The following FYN variants were observed in gnomAD, a reference collection of about 807,000 sequenced individuals.
The protein encoded by FYN is FYN proto-oncogene, Src family tyrosine kinase, also known as tyrosine-protein kinase Fyn.
FYN carries 10 observed loss-of-function variants against 70.2 expected under a neutral mutation model. That is an observed-to-expected ratio of 0.14 (90% confidence interval 0.09 to 0.24). The LOEUF is 0.24. Among genes scored for constraint, FYN ranks in the 10% least tolerant of loss-of-function variants. FYN has a pLI of 1.00. For synonymous variants in FYN, 236 were observed against 248.6 expected, an observed-to-expected ratio of 0.95 and a Z score of 0.48; for missense variants, 319 against 673.1, an observed-to-expected ratio of 0.47 and a Z score of 5.82.
chr6:111,866,075 A>T (rs1774095151), intron 1 of FYN, among the ~76,000 whole-genome samples: 1 of 152,346 alleles, frequency 6.6e-6, no homozygotes, highest in South Asian at 2.1e-4. Context: ...TAAAGCATGT[A>T]TGTCATATGT....
intron 3 of FYN, among the ~76,000 whole-genome samples, chr6:111,776,631 T>C (rs1770954068): frequency 6.6e-6 from 1 of 152,210 alleles, no homozygotes; most frequent in African/African-American, 2.4e-5. Context: ...AAAATATTTA[T>C]GTCCACAAGC....
chr6:111,667,576 A>G (rs1240329295), intron 13 of FYN, among the ~76,000 whole-genome samples: 1 of 152,180 alleles, frequency 6.6e-6, no homozygotes, highest in Non-Finnish European at 1.5e-5. Context: ...TCTATAGGGA[A>G]GGAATAAAAA....
intron 4 of FYN, among the ~76,000 whole-genome samples, chr6:111,717,797 C>T (rs916561531): frequency 1.3e-5 from 2 of 152,168 alleles, no homozygotes; most frequent in Non-Finnish European, 2.9e-5. Context: ...TGCCAATTTG[C>T]TGTGTAGGTA....
At chr6:111,817,175 T>G (rs527954113) in intron 2 of FYN, among the ~76,000 whole-genome samples, 8 of 152,290 alleles carry the variant, frequency 5.3e-5, no homozygotes, top group Non-Finnish European at 1.5e-5. Flanking sequence ...TGTATACAGG[T>G]GGGATTTGGA....
chr6:111,783,113 C>T (rs1480128556), intron 2 of FYN, among the ~76,000 whole-genome samples: 1 of 152,206 alleles, frequency 6.6e-6, no homozygotes, highest in Non-Finnish European at 1.5e-5. Context: ...TGAACAGCTG[C>T]AGCTCAGGAA....
At chr6:111,695,192 T>G (rs1036381430) in intron 10 of FYN, among the ~76,000 whole-genome samples, 4 of 152,210 alleles carry the variant, frequency 2.6e-5, no homozygotes, top group African/African-American at 4.8e-5. Context: ...TCAGAAACTT[T>G]GAAGGTTGGG....
chr6:111,860,890 C>A (rs1460856842), intron 1 of FYN, among the ~76,000 whole-genome samples: 4 of 152,194 alleles, frequency 2.6e-5, no homozygotes, highest in Admixed American at 1.3e-4. Context: ...TGGTCAACCA[C>A]ACTTACATGA....
intron 1 of FYN, among the ~76,000 whole-genome samples, chr6:111,864,107 C>T (rs1364590824): frequency 6.6e-6 from 1 of 152,108 alleles, no homozygotes; most frequent in Non-Finnish European, 1.5e-5. Context: ...GCGATAAGAC[C>T]TGGTTCAATA....
chr6:111,709,909 C>T (rs1325752053), intron 5 of FYN, among the ~76,000 whole-genome samples: 1 of 152,084 alleles, frequency 6.6e-6, no homozygotes, highest in Non-Finnish European at 1.5e-5. Flanking sequence ...TCTATGCCTT[C>T]CAAAAGGAAT....
intron 13 of FYN, among the ~76,000 whole-genome samples, chr6:111,674,068 A>G (rs911664824): frequency 1.3e-5 from 2 of 152,174 alleles, no homozygotes; most frequent in East Asian, 3.8e-4. Flanking sequence ...CCTTCCTGCC[A>G]GGCTCACTCC....
chr6:111,805,547 A>G (rs750448770), intron 2 of FYN, among the ~76,000 whole-genome samples: 5 of 152,264 alleles, frequency 3.3e-5, no homozygotes, highest in South Asian at 2.1e-4. Flanking sequence ...ACAAGGGTCC[A>G]TGTGGTTCAG....
intron 2 of FYN, among the ~76,000 whole-genome samples, chr6:111,828,928 C>T (rs1390026231): frequency 5.3e-5 from 8 of 152,150 alleles, no homozygotes; most frequent in African/African-American, 1.9e-4. Flanking sequence ...AAAAACAACA[C>T]ATTAAACAGT....
At chr6:111,860,594 G>A (rs1406584671) in intron 1 of FYN, among the ~76,000 whole-genome samples, 1 of 152,154 alleles carries the variant, frequency 6.6e-6, no homozygotes, top group Non-Finnish European at 1.5e-5. Flanking sequence ...TGTTGGACTG[G>A]GGTACAATCA....
chr6:111,851,943 G>A (rs1292799107), intron 1 of FYN, among the ~76,000 whole-genome samples: 1 of 148,762 alleles, frequency 6.7e-6, no homozygotes, highest in Non-Finnish European at 1.5e-5. Flanking sequence ...ATGTAATACT[G>A]TCCTATTTAA....
intron 3 of FYN, among the ~76,000 whole-genome samples, chr6:111,726,998 G>A (rs1001927983): frequency 2.4e-4 from 36 of 152,300 alleles, no homozygotes; most frequent in African/African-American, 8.7e-4. Flanking sequence ...TCCCAGCAAT[G>A]CGGAACTGCA....
intron 2 of FYN, among the ~76,000 whole-genome samples, chr6:111,791,060 C>A (rs1771603067): frequency 6.6e-6 from 1 of 151,972 alleles, no homozygotes; most frequent in Admixed American, 6.6e-5. Context: ...AATTGACAAG[C>A]AGATTCTAAA....
At chr6:111,816,299 C>T (rs1212129751) in intron 2 of FYN, among the ~76,000 whole-genome samples, 1 of 152,028 alleles carries the variant, frequency 6.6e-6, no homozygotes, top group Admixed American at 6.6e-5. Context: ...AATAAGTCTT[C>T]CTTATGACAT....
At chr6:111,670,073 G>A (rs1189216958) in intron 13 of FYN, among the ~76,000 whole-genome samples, 2 of 152,164 alleles carry the variant, frequency 1.3e-5, no homozygotes, top group African/African-American at 4.8e-5. Context: ...TCTTGGTAAC[G>A]TGTGAAGGAT....
At chr6:111,669,255 C>T (rs1418222327) in intron 13 of FYN, among the ~76,000 whole-genome samples, 1 of 151,790 alleles carries the variant, frequency 6.6e-6, no homozygotes, top group East Asian at 1.9e-4. Context: ...GCCAACATGG[C>T]GAAACCCTGG....
Sources: allele counts gnomAD v4.1 joint callset (sites outside exome capture counted in the v4.1 genomes callset), GRCh38; gene constraint gnomAD v4.1.1; transcripts MANE v1.5; gene names NCBI Gene and HGNC (gene_info 2026-07-23, HGNC 2026-07-21).